C1orf54: variants seen among roughly 807,000 people sequenced by gnomAD.
The protein encoded by C1orf54 is uncharacterized protein C1orf54.
C1orf54 carries 12 observed loss-of-function variants against 14.7 expected under a neutral mutation model. That is an observed-to-expected ratio of 0.82 (90% CI 0.52 to 1.32). The LOEUF (loss-of-function observed/expected upper bound fraction) is 1.32. Among genes scored for constraint, C1orf54 ranks in the 40% most tolerant of loss-of-function variants. The probability of loss-of-function intolerance (pLI) is 0.00; values close to 1 mark genes in which losing one functional copy is unlikely to be tolerated. For synonymous variants in C1orf54, 65 were observed against 56.3 expected, an observed-to-expected ratio of 1.16 and a Z score of -0.70; for missense variants, 163 against 162.2, an observed-to-expected ratio of 1.00 and a Z score of -0.03.
chr1:150,270,637 T>A (rs144161376), upstream of C1orf54, among the ~76,000 whole-genome samples: 5 of 149,580 alleles, frequency 3.3e-5, no homozygotes, highest in East Asian at 1.0e-3. Context: ...AGCAAGACTC[T>A]GTCTCTGAAA....
At chr1:150,271,874 C>T (rs1652225321), upstream of C1orf54, among the ~76,000 whole-genome samples, 1 of 152,136 alleles carries the variant, frequency 6.6e-6, no homozygotes, top group South Asian at 2.1e-4. Flanking sequence ...CACGGTGGCT[C>T]ATGCCTGTAA....
chr1:150,277,052 A>G (rs1553852642), intron 4 of C1orf54, among the ~76,000 whole-genome samples: 2 of 152,256 alleles, frequency 1.3e-5, no homozygotes, highest in African/African-American at 4.8e-5. Flanking sequence ...GCTTTAGCCA[A>G]TGTAAGAAGA....
At chr1:150,280,707 C>A in intron 5 of C1orf54, 128 bp from the exon 6 acceptor site, 1 of 697,504 alleles carries the variant, frequency 1.4e-6, no homozygotes, top group Non-Finnish European at 2.4e-6. Context: ...ACACATCTTT[C>A]CCAGGAGCTA....
intron 1 of C1orf54, 76 bp downstream of exon 1, chr1:150,272,939 G>A (rs1458322040): frequency 6.0e-6 from 9 of 1,492,820 alleles, no homozygotes; most frequent in Admixed American, 1.7e-5. Flanking sequence ...AAAATGAGGA[G>A]TGGGTGAGAG....
At chr1:150,277,502 TAAAAAAAAAA>T (rs71083896) in intron 4 of C1orf54, among the ~76,000 whole-genome samples, 3 of 41,328 alleles carry the variant, frequency 7.3e-5, no homozygotes, top group African/African-American at 1.5e-4. Flanking sequence ...GACTCTATAC[TAAAAAAAAAA>T]AAAAAAAAAA....
At position 150,280,881 on chromosome 1, in the gene C1orf54, G is replaced by A. The variant is rs1553853307; in HGVS notation, c.*50G>A. 2.6e-6 allele frequency: 4 copies of A among 1,550,030 alleles called. No homozygotes were observed. The highest frequency in any genetic ancestry group is 1.2e-5 in the South Asian group (1 of 84,036). ...TCTTTGGATGGGAGTCTGGCAAGAG[G>A]AAATTGGAAGATAAAATAAATAATA... On this transcript the variant is annotated 3_prime_UTR_variant, in exon 6 of 6. Transcript: ENST00000369099.
At chr1:150,273,141 T>A (rs1272256992) in intron 1 of C1orf54, among the ~76,000 whole-genome samples, 3 of 152,098 alleles carry the variant, frequency 2.0e-5, no homozygotes, top group African/African-American at 7.2e-5. Context: ...CCACGGAAGT[T>A]GAACAAGATG....
intron 1 of C1orf54, 27 bp downstream of exon 1, chr1:150,272,890 T>G (rs1652314571): frequency 6.2e-7 from 1 of 1,613,444 alleles, no homozygotes; most frequent in Non-Finnish European, 8.5e-7. Flanking sequence ...CTCTGAGCTT[T>G]TGTGCCAGGT....
chr1:150,273,510 T>G (rs587670533), intron 1 of C1orf54, among the ~76,000 whole-genome samples: 1 of 152,340 alleles, frequency 6.6e-6, no homozygotes, highest in African/African-American at 2.4e-5. Context: ...CAAAGCCACA[T>G]ATTTTTAGTT....
intron 2 of C1orf54, 94 bp from the exon 3 acceptor site, chr1:150,275,642 CTTAAG>C (rs1166810241): frequency 4.3e-6 from 4 of 926,780 alleles, no homozygotes; most frequent in East Asian, 2.7e-5. Context: ...AATGTTACAA[CTTAAG>C]TTAAACTATT....
intron 5 of C1orf54, 104 bp downstream of exon 5, chr1:150,279,845 C>T: frequency 1.0e-6 from 1 of 976,186 alleles, no homozygotes; most frequent in Non-Finnish European, 1.5e-6. Flanking sequence ...GTTAGTGTTT[C>T]CAGCCTGGTC....
chr1:150,272,997 C>T (rs1652329590), intron 1 of C1orf54, 134 bp downstream of exon 1: 3 of 1,009,096 alleles, frequency 3.0e-6, no homozygotes, highest in East Asian at 2.4e-5. Context: ...TGCTGGGGTC[C>T]GGTGTTGAGG....
chr1:150,272,487 G>A, upstream of C1orf54: 1 of 251,310 alleles, frequency 4.0e-6, no homozygotes, highest in Middle Eastern at 1.5e-3. Flanking sequence ...GCCGGGAGAG[G>A]GGAAACTTCT....
At chr1:150,268,963 G>C (rs199768691), upstream of C1orf54, 2 of 623,812 alleles carry the variant, frequency 3.2e-6, no homozygotes, top group East Asian at 2.8e-5. Flanking sequence ...GGAAGGGGGG[G>C]AACCGAAACC....
upstream of C1orf54, chr1:150,272,381 C>T (rs1472938077): frequency 5.7e-6 from 1 of 174,586 alleles, no homozygotes; most frequent in African/African-American, 2.4e-5. Context: ...ACTGATGAAG[C>T]CTCAGAGAGA....
In C1orf54 at chr1:150,275,318, G is replaced by C. The variant is rs187170512; in HGVS notation, c.131-423G>C. Among the ~76,000 whole-genome samples, 15 of 142,276 alleles carry C rather than the reference G, an allele frequency of 1.1e-4. No homozygotes were observed. The South Asian group carries it at 3.5e-3, about 33-fold the overall frequency. 93.3% of individuals were successfully genotyped at this position (142,276 alleles called of 152,430 possible). On this transcript the variant is annotated intron_variant, in intron 2 of 5. Coordinates refer to ENST00000369099, the MANE Select transcript of C1orf54 (RefSeq NM_024579.4). The stretch of plus-strand genomic sequence containing the variant: ...CCCAAAGTGCTGGGATTACAGGCTT[G>C]AGCCATCGTGCCCGGCCAAATTTTT...
At chr1:150,271,790 A>G (rs1553851306), upstream of C1orf54, among the ~76,000 whole-genome samples, 2 of 152,226 alleles carry the variant, frequency 1.3e-5, no homozygotes, top group Admixed American at 6.5e-5. Context: ...TGTAGCAGGG[A>G]AAGAGACTAT....
intron 4 of C1orf54, 119 bp from the exon 5 acceptor site, chr1:150,279,524 C>T: frequency 3.2e-6 from 3 of 948,628 alleles, no homozygotes; most frequent in Non-Finnish European, 4.8e-6. Flanking sequence ...TTCTCTAAGC[C>T]CAAAGGAAAG....
At chr1:150,277,795 A>C (rs1315882816) in intron 4 of C1orf54, among the ~76,000 whole-genome samples, 1 of 152,154 alleles carries the variant, frequency 6.6e-6, no homozygotes, top group East Asian at 1.9e-4. Context: ...ACACGATGAA[A>C]AGTGATATTT....
Sources: allele counts gnomAD v4.1 joint callset (sites outside exome capture counted in the v4.1 genomes callset), GRCh38; gene constraint gnomAD v4.1.1; transcripts MANE v1.5; gene names NCBI Gene and HGNC (gene_info 2026-07-23, HGNC 2026-07-21).